The following CCSER1 variants were observed in gnomAD, a reference collection of about 807,000 sequenced individuals.
The protein encoded by CCSER1 is serine-rich coiled-coil domain-containing protein 1.
Under a neutral mutation model 82.0 loss-of-function variants are expected in CCSER1, and 41 were observed. The ratio of observed to expected loss-of-function variants is 0.50; its 90% CI spans 0.39 to 0.65. The LOEUF is 0.65. CCSER1 is among the 30% of genes least tolerant of loss of function. The pLI is 0.00. For synonymous variants in CCSER1, 414 were observed against 383.9 expected (o/e 1.08, Z -0.92); for missense variants, 1,119 against 1,064.2 (o/e 1.05, Z -0.72).
At chr4:90,362,204 C>G (rs1054990774) in intron 3 of CCSER1, among the ~76,000 whole-genome samples, 2 of 152,124 alleles carry the variant, frequency 1.3e-5, no homozygotes, top group Non-Finnish European at 2.9e-5. Flanking sequence ...GAAATTATTT[C>G]ATGAAATTTA....
intron 10 of CCSER1, among the ~76,000 whole-genome samples, chr4:91,381,516 T>C (rs751823243): frequency 1.4e-4 from 22 of 152,216 alleles, no homozygotes; most frequent in Admixed American, 1.3e-4. Flanking sequence ...ACTGATACCC[T>C]TTCTTCCCAT....
chr4:91,192,173 A>G (rs1735051326), intron 10 of CCSER1, among the ~76,000 whole-genome samples: 1 of 152,014 alleles, frequency 6.6e-6, no homozygotes, highest in South Asian at 2.1e-4. Context: ...ACCTCTGACT[A>G]CTGCCTTCCA....
chr4:91,580,953 T>C lies in CCSER1; in HGVS notation c.2218-17619T>C, dbSNP rs150318924. 2.3e-3 allele frequency among the ~76,000 whole-genome samples: 352 copies of C among 151,756 alleles called. 1 individual carries two copies. Among genetic ancestry groups the C allele is most frequent in the African/African-American group, 8.1e-3 (337 of 41,498 alleles). ...AATTTAGCCAAAATTATATAACCTT[T>C]AAGTGACTAAGATAGGATACAAACC... On this transcript the variant is annotated intron_variant, in intron 10 of 10. Coordinates refer to ENST00000509176, the MANE Select transcript of CCSER1 (RefSeq NM_001145065.2).
At chr4:91,102,475 G>A (rs1049587979) in intron 10 of CCSER1, among the ~76,000 whole-genome samples, 3 of 152,068 alleles carry the variant, frequency 2.0e-5, no homozygotes, top group East Asian at 3.9e-4. Context: ...GTAAGATTTT[G>A]TAGCTTTACA....
At chr4:90,683,648 C>T (rs955008110) in intron 6 of CCSER1, among the ~76,000 whole-genome samples, 20 of 151,960 alleles carry the variant, frequency 1.3e-4, no homozygotes, top group South Asian at 4.1e-4. Context: ...ATTCAACAAA[C>T]ATATGTATTT....
intron 7 of CCSER1, among the ~76,000 whole-genome samples, chr4:90,763,644 TC>T (rs1191040734): frequency 3.3e-5 from 5 of 152,114 alleles, no homozygotes; most frequent in African/African-American, 1.2e-4. Context: ...CCCGTTTATG[TC>T]CCACAGTTCT....
intron 8 of CCSER1, among the ~76,000 whole-genome samples, chr4:90,893,610 A>T (rs145480845): frequency 6.4e-4 from 97 of 152,144 alleles, no homozygotes; most frequent in African/African-American, 2.2e-3. Flanking sequence ...TCACACAGAA[A>T]CATTTAAAAT....
intron 9 of CCSER1, among the ~76,000 whole-genome samples, chr4:90,981,484 C>T (rs1199773915): frequency 6.6e-6 from 1 of 151,764 alleles, no homozygotes; most frequent in Non-Finnish European, 1.5e-5. Flanking sequence ...ATCCCCAAAG[C>T]AACCATATGA....
intron 5 of CCSER1, among the ~76,000 whole-genome samples, chr4:90,544,501 C>G (rs536679090): frequency 6.6e-6 from 1 of 152,264 alleles, no homozygotes; most frequent in South Asian, 2.1e-4. Context: ...CTCTGCAACC[C>G]TGCATGATAA....
chr4:90,859,982 C>G (rs879732296), intron 8 of CCSER1, among the ~76,000 whole-genome samples: 19 of 151,316 alleles, frequency 1.3e-4, no homozygotes, highest in Non-Finnish European at 2.4e-4. Flanking sequence ...ACAATAAGTA[C>G]TAGATTTGAG....
intron 5 of CCSER1, among the ~76,000 whole-genome samples, chr4:90,496,068 TAA>T (rs200284611): frequency 0.016 from 2,384 of 152,316 alleles, 39 homozygotes; most frequent in African/African-American, 0.046. Flanking sequence ...ATTACTTATT[TAA>T]TAGTGTAACT....
intron 10 of CCSER1, among the ~76,000 whole-genome samples, chr4:91,482,218 A>T (rs1330595001): frequency 6.8e-6 from 1 of 148,072 alleles, no homozygotes; most frequent in Non-Finnish European, 1.5e-5. Context: ...CTGGCTAACA[A>T]GGTAAAACCC....
chr4:90,516,917 G>A (rs1468820199), intron 5 of CCSER1, among the ~76,000 whole-genome samples: 2 of 152,150 alleles, frequency 1.3e-5, no homozygotes, highest in East Asian at 3.9e-4. Context: ...AGAGGCAATT[G>A]CACAAATGGA....
In CCSER1 at chr4:90,281,568, G is replaced by A. The variant is rs567868648; in HGVS notation, c.-41-26676G>A. On this transcript the variant is annotated intron_variant, in intron 1 of 10. Coordinates refer to ENST00000509176, the MANE Select transcript of CCSER1 (RefSeq NM_001145065.2). ...TTTGAGTTATATAGTTTCCCAGCCT[G>A]TCCAGGCCCAGGTGACGTTCTTTGT... Among the ~76,000 whole-genome samples the A allele has an allele frequency of 5.3e-5, 8 of 152,046 alleles. No homozygotes were observed. In the East Asian group the frequency reaches 1.5e-3, roughly 29 times the overall value.
chr4:90,505,671 A>G (rs930939179), intron 5 of CCSER1, among the ~76,000 whole-genome samples: 4 of 152,194 alleles, frequency 2.6e-5, no homozygotes, highest in African/African-American at 9.7e-5. Flanking sequence ...TTCAGACCAT[A>G]CAGAGTAACT....
chr4:90,798,618 C>T (rs774902668), intron 7 of CCSER1, among the ~76,000 whole-genome samples: 30 of 152,160 alleles, frequency 2.0e-4, no homozygotes, highest in Admixed American at 1.2e-3. Context: ...TATCTACCTT[C>T]AGTGTTTGAT....
At chr4:90,478,078 T>C (rs931715043) in intron 5 of CCSER1, among the ~76,000 whole-genome samples, 1 of 152,172 alleles carries the variant, frequency 6.6e-6, no homozygotes, top group Non-Finnish European at 1.5e-5. Flanking sequence ...AAACAAACAT[T>C]AGCAACACAG....
At chr4:90,972,063 C>A (rs1735162800) in intron 9 of CCSER1, among the ~76,000 whole-genome samples, 1 of 151,764 alleles carries the variant, frequency 6.6e-6, no homozygotes, top group South Asian at 2.1e-4. Context: ...TATGCTTTTC[C>A]TCTAAGATCA....
intron 1 of CCSER1, among the ~76,000 whole-genome samples, chr4:90,271,856 ATATATATTT>A (rs1371825148): frequency 1.5e-4 from 4 of 26,102 alleles, no homozygotes; most frequent in East Asian, 1.9e-3. Context: ...ATATATATAT[ATATATATTT>A]TTTTTTTTTT....
Sources: allele counts gnomAD v4.1 joint callset (sites outside exome capture counted in the v4.1 genomes callset), GRCh38; gene constraint gnomAD v4.1.1; transcripts MANE v1.5; gene names NCBI Gene and HGNC (gene_info 2026-07-23, HGNC 2026-07-21).